The following PTPRN2 variants were observed in gnomAD, a reference collection of about 807,000 sequenced individuals.
PTPRN2 encodes protein tyrosine phosphatase receptor type N2.
A neutral mutation model predicts 118.8 loss-of-function variants in PTPRN2; 74 were observed. The ratio of observed to expected loss-of-function variants is 0.62; its 90% confidence interval spans 0.52 to 0.76. PTPRN2 has a LOEUF of 0.76. Among genes scored for constraint, PTPRN2 ranks in the 30% least tolerant of loss-of-function variants. The probability of loss-of-function intolerance (pLI) is 0.00; values close to 1 mark genes in which losing one functional copy is unlikely to be tolerated. For missense variants in PTPRN2, 1,481 were observed against 1,394.4 expected (o/e 1.06, Z -0.99); for synonymous variants, 641 against 608.0 (o/e 1.05, Z -0.80).
intron 11 of PTPRN2, among the ~76,000 whole-genome samples, chr7:157,928,644 A>G (rs1799168804): frequency 7.2e-6 from 1 of 138,908 alleles, no homozygotes. Flanking sequence ...CTGAGTTTGA[A>G]GCACCAGGGC....
At chr7:157,796,287 C>G (rs142214971) in intron 12 of PTPRN2, among the ~76,000 whole-genome samples, 1 of 152,216 alleles carries the variant, frequency 6.6e-6, no homozygotes, top group African/African-American at 2.4e-5. Flanking sequence ...GCTGATGTTA[C>G]GTGCACTAAG....
Position 158,171,085 on chromosome 7 carries a change from T to C in PTPRN2, c.550-3794A>G, listed in dbSNP as rs372238975. Among the ~76,000 whole-genome samples, 242 of 108,394 alleles carry C rather than the reference T, an allele frequency of 2.2e-3. 4 individuals are homozygous for C. The highest frequency in any genetic ancestry group is 3.1e-3 in the Non-Finnish European group (163 of 52,122). 71.1% of individuals were successfully genotyped at this position (108,394 alleles called of 152,430 possible). A position where few individuals can be genotyped will look rare whatever the true frequency, so the allele number is the denominator to read the frequency against. ...TATACACATTATATACACATATATA[T>C]ACACACATATATATATACACATATA... On this transcript the variant is annotated intron_variant, in intron 5 of 22. Coordinates refer to ENST00000389418, the MANE Select transcript of PTPRN2 (RefSeq NM_002847.5).
intron 12 of PTPRN2, among the ~76,000 whole-genome samples, chr7:157,744,916 G>C (rs555488078): frequency 6.6e-6 from 1 of 152,272 alleles, no homozygotes; most frequent in South Asian, 2.1e-4. Flanking sequence ...CAGTCCCCCG[G>C]CATCTCTGAG....
At chr7:158,368,563 C>A (rs1809708250) in intron 2 of PTPRN2, among the ~76,000 whole-genome samples, 1 of 152,188 alleles carries the variant, frequency 6.6e-6, no homozygotes, top group Non-Finnish European at 1.5e-5. Context: ...AGTTCCTGGC[C>A]CGGCCCGCCC....
rs553741775 is a variant in PTPRN2 at position 157,933,722 on chromosome 7, G to A, written c.1724-34985C>T. Among the ~76,000 whole-genome samples the A allele has an allele frequency of 6.0e-5, 9 of 149,054 alleles. No individual in the cohort carries two copies. In the South Asian group the frequency reaches 1.5e-3, roughly 25 times the overall value. ...TGATTGACAGTTTTAGTGGAGGGAT[G>A]AGTCACCCTGATTGACAGTTTTAGA... On this transcript the variant is annotated intron_variant, in intron 11 of 22. Transcript: ENST00000389418.
At chr7:158,177,876 A>T (rs1296470228) in intron 5 of PTPRN2, among the ~76,000 whole-genome samples, 1 of 152,208 alleles carries the variant, frequency 6.6e-6, no homozygotes, top group Non-Finnish European at 1.5e-5. Flanking sequence ...GTTTGTCTTG[A>T]GTAGAAGTGG....
intron 4 of PTPRN2, among the ~76,000 whole-genome samples, chr7:158,199,711 C>A (rs2150729678): frequency 6.6e-6 from 1 of 152,302 alleles, no homozygotes; most frequent in Middle Eastern, 3.4e-3. Flanking sequence ...GCTACCCATG[C>A]AAGAATTCAA....
At chr7:157,965,224 T>C (rs1388690029) in intron 11 of PTPRN2, among the ~76,000 whole-genome samples, 1 of 152,210 alleles carries the variant, frequency 6.6e-6, no homozygotes, top group African/African-American at 2.4e-5. Context: ...AAGATTACCA[T>C]ATTTCATCAA....
chr7:158,474,236 A>T (rs1820077798), intron 2 of PTPRN2, among the ~76,000 whole-genome samples: 1 of 152,164 alleles, frequency 6.6e-6, no homozygotes, highest in African/African-American at 2.4e-5. Context: ...TTGCTCCTTC[A>T]TCAAAAAGCG....
At chr7:158,156,165 T>C (rs1003627375) in intron 6 of PTPRN2, among the ~76,000 whole-genome samples, 1 of 152,214 alleles carries the variant, frequency 6.6e-6, no homozygotes, top group African/African-American at 2.4e-5. Flanking sequence ...TCCTGCACTG[T>C]CATGCCGCAA....
At chr7:158,157,786 C>T (rs531335844) in intron 6 of PTPRN2, among the ~76,000 whole-genome samples, 90 of 152,354 alleles carry the variant, frequency 5.9e-4, no homozygotes, top group African/African-American at 2.1e-3. Flanking sequence ...TGCGCCTGCT[C>T]CCCTGGGAGA....
At chr7:158,482,835 A>C (rs1302788515) in intron 2 of PTPRN2, among the ~76,000 whole-genome samples, 1 of 152,180 alleles carries the variant, frequency 6.6e-6, no homozygotes, top group Non-Finnish European at 1.5e-5. Context: ...GTTTATATAG[A>C]CTGGATTCAG....
intron 12 of PTPRN2, among the ~76,000 whole-genome samples, chr7:157,697,515 A>G (rs1399875647): frequency 4.4e-4 from 49 of 110,196 alleles, no homozygotes; most frequent in East Asian, 1.2e-3. Flanking sequence ...AGCCCTCACC[A>G]TCTACCCATG....
intron 3 of PTPRN2, among the ~76,000 whole-genome samples, chr7:158,272,170 G>T (rs867396576): frequency 6.6e-6 from 1 of 152,158 alleles, no homozygotes; most frequent in Non-Finnish European, 1.5e-5. Context: ...GCAGAGGAGG[G>T]TCTAGAGTGA....
At chr7:157,908,392 G>A (rs939997189) in intron 11 of PTPRN2, among the ~76,000 whole-genome samples, 1 of 152,244 alleles carries the variant, frequency 6.6e-6, no homozygotes, top group Non-Finnish European at 1.5e-5. Context: ...AAGCACTTAG[G>A]CAGGAGAAAA....
At chr7:157,895,065 G>A (rs556805350) in intron 12 of PTPRN2, among the ~76,000 whole-genome samples, 18 of 152,302 alleles carry the variant, frequency 1.2e-4, no homozygotes, top group Admixed American at 9.1e-4. Flanking sequence ...CCACAGGAGG[G>A]GGTCAGCAGA....
At chr7:157,697,690 G>A (rs1353014356) in intron 12 of PTPRN2, among the ~76,000 whole-genome samples, 13 of 126,964 alleles carry the variant, frequency 1.0e-4, no homozygotes, top group Non-Finnish European at 1.5e-4. Flanking sequence ...TGCATACTGG[G>A]TCTTAGCAGA....
chr7:158,171,348 TACACACACAC>T (rs1252929315), intron 5 of PTPRN2, among the ~76,000 whole-genome samples: 1 of 90,004 alleles, frequency 1.1e-5, no homozygotes, highest in Non-Finnish European at 2.1e-5. Flanking sequence ...TATATATATA[TACACACACAC>T]ATTTTTTTAA....
intron 1 of PTPRN2, among the ~76,000 whole-genome samples, chr7:158,535,833 A>AT (rs895149482): frequency 7.3e-5 from 11 of 150,946 alleles, no homozygotes; most frequent in South Asian, 2.1e-4. Context: ...TATATTTGGG[A>AT]TTTTTTCTTT....
Sources: gnomAD v4.1 joint callset for allele counts (sites outside exome capture counted in the v4.1 genomes callset) on GRCh38, gnomAD v4.1.1 for gene constraint, MANE v1.5 for transcripts, NCBI Gene and HGNC (gene_info 2026-07-23, HGNC 2026-07-21) for gene names.